CSMD1: variants seen among roughly 807,000 people sequenced by gnomAD.
CSMD1 encodes the protein CUB and sushi domain-containing protein 1.
In CSMD1, 213 loss-of-function variants were observed where a neutral mutation model predicts 417.5. The observed-to-expected ratio is 0.51, with a 90% CI of 0.46 to 0.57. The LOEUF is 0.57. Ranked by LOEUF, CSMD1 falls within the 20% of genes least tolerant of loss-of-function variation. CSMD1 has a pLI of 0.00. For synonymous variants in CSMD1, 2,862 were observed against 1,736.8 expected, an observed-to-expected ratio of 1.65 and a Z score of -16.11; for missense variants, 6,923 against 4,529.7, an observed-to-expected ratio of 1.53 and a Z score of -15.17.
chr8:3,403,369 A>G (rs1295854723), intron 15 of CSMD1, among the ~76,000 whole-genome samples: 4 of 152,050 alleles, frequency 2.6e-5, no homozygotes, highest in Non-Finnish European at 4.4e-5. Flanking sequence ...CAGCAGAGGC[A>G]GTGATCGGGG....
intron 10 of CSMD1, among the ~76,000 whole-genome samples, chr8:3,538,939 G>A (rs1404929632): frequency 2.6e-5 from 4 of 152,170 alleles, no homozygotes; most frequent in Admixed American, 2.0e-4. Flanking sequence ...CAACGTTTGT[G>A]AGACCCCAAT....
At chr8:4,443,991 C>A (rs192416731) in intron 2 of CSMD1, among the ~76,000 whole-genome samples, 3 of 151,980 alleles carry the variant, frequency 2.0e-5, no homozygotes, top group Non-Finnish European at 4.4e-5. Context: ...AATGTACAAA[C>A]GGAGTAAGAA....
At chr8:4,337,427 C>T (rs1800234294) in intron 3 of CSMD1, among the ~76,000 whole-genome samples, 1 of 152,076 alleles carries the variant, frequency 6.6e-6, no homozygotes, top group African/African-American at 2.4e-5. Context: ...CTATCTTAGC[C>T]TTCTCTGTTA....
intron 7 of CSMD1, among the ~76,000 whole-genome samples, chr8:3,679,241 A>T (rs1434040416): frequency 6.6e-6 from 1 of 152,210 alleles, no homozygotes; most frequent in Non-Finnish European, 1.5e-5. Flanking sequence ...CAGACTGGCA[A>T]ATTGGATAAA....
intron 2 of CSMD1, among the ~76,000 whole-genome samples, chr8:4,454,613 G>A: frequency 6.6e-6 from 1 of 152,180 alleles, no homozygotes. Flanking sequence ...GGAGGGCATA[G>A]CAGAAGGAAG....
intron 2 of CSMD1, among the ~76,000 whole-genome samples, chr8:4,444,906 G>T (rs527745635): frequency 9.9e-5 from 15 of 152,082 alleles, no homozygotes; most frequent in Non-Finnish European, 1.8e-4. Context: ...ACCTTGTCCA[G>T]GTCTTACATA....
At chr8:4,600,113 G>T (rs59857036) in intron 2 of CSMD1, among the ~76,000 whole-genome samples, 687 of 152,264 alleles carry the variant, frequency 4.5e-3, no homozygotes, top group African/African-American at 0.016. Context: ...TCTAGGTCGG[G>T]CTGACGTTCT....
chr8:3,869,166 AC>A (rs1805310237), intron 5 of CSMD1, among the ~76,000 whole-genome samples: 1 of 152,120 alleles, frequency 6.6e-6, no homozygotes, highest in African/African-American at 2.4e-5. Context: ...CCTGAAATAC[AC>A]AGATGTGCTG....
At position 4,664,991 on chromosome 8, in the gene CSMD1, A is replaced by T. The variant is rs182938364; in HGVS notation, c.86-27433T>A. Among the ~76,000 whole-genome samples the T allele has an allele frequency of 4.1e-3, 620 of 152,290 alleles. 7 individuals are homozygous for T. Among genetic ancestry groups the T allele is most frequent in the African/African-American group, 0.014 (563 of 41,558 alleles). ...ATCTGAAAAAGGAAAATAATATCTC[A>T]TCGTGTTCTTCATTTTATTATTACC... On this transcript the variant is annotated intron_variant, in intron 1 of 69. Transcript: ENST00000635120.
intron 7 of CSMD1, among the ~76,000 whole-genome samples, chr8:3,703,812 T>C (rs1301120695): frequency 6.6e-6 from 1 of 152,192 alleles, no homozygotes; most frequent in Admixed American, 6.5e-5. Flanking sequence ...GGCTCATGAC[T>C]GTAATCCCAG....
chr8:4,622,015 G>A (rs1274920807), intron 2 of CSMD1, among the ~76,000 whole-genome samples: 1 of 151,778 alleles, frequency 6.6e-6, no homozygotes, highest in Admixed American at 6.6e-5. Flanking sequence ...ACTAATGATA[G>A]GAAACTTTCT....
chr8:4,283,351 C>A (rs1007913564), intron 3 of CSMD1, among the ~76,000 whole-genome samples: 1 of 152,092 alleles, frequency 6.6e-6, no homozygotes, highest in African/African-American at 2.4e-5. Flanking sequence ...TGTATAAATG[C>A]GAACATCTTT....
intron 3 of CSMD1, among the ~76,000 whole-genome samples, chr8:4,331,799 C>G (rs112026432): frequency 1.9e-4 from 29 of 152,180 alleles, no homozygotes; most frequent in Non-Finnish European, 3.5e-4. Context: ...ATTTGACTCA[C>G]AGTATTTTTC....
chr8:4,226,330 T>C (rs1801354438), intron 3 of CSMD1, among the ~76,000 whole-genome samples: 1 of 152,210 alleles, frequency 6.6e-6, no homozygotes, highest in Non-Finnish European at 1.5e-5. Flanking sequence ...GACCATCAAA[T>C]ACTCTACTTA....
chr8:4,267,171 A>G (rs936326663), intron 3 of CSMD1, among the ~76,000 whole-genome samples: 1 of 101,342 alleles, frequency 9.9e-6, no homozygotes, highest in African/African-American at 2.8e-5. Flanking sequence ...AGTGAAGATA[A>G]TATTCATTAA....
intron 3 of CSMD1, among the ~76,000 whole-genome samples, chr8:4,195,323 T>A (rs1799266960): frequency 6.6e-6 from 1 of 152,262 alleles, no homozygotes; most frequent in East Asian, 1.9e-4. Context: ...AAAGGCAAAT[T>A]CTATAGAACA....
intron 3 of CSMD1, among the ~76,000 whole-genome samples, chr8:4,227,140 C>T (rs1563303742): frequency 6.6e-6 from 1 of 152,086 alleles, no homozygotes. Context: ...GGTTTTTTAG[C>T]CCAGAAAGCA....
intron 3 of CSMD1, among the ~76,000 whole-genome samples, chr8:4,307,196 C>A: frequency 6.6e-6 from 1 of 152,306 alleles, no homozygotes; most frequent in East Asian, 1.9e-4. Context: ...TATCAACCCC[C>A]TTCTACGGCT....
Position 3,770,546 on chromosome 8 carries a change from A to T in CSMD1, c.819-16504T>A, listed in dbSNP as rs73498865. On this transcript the variant is annotated intron_variant, in intron 5 of 69. Coordinates refer to ENST00000635120, the MANE Select transcript of CSMD1 (RefSeq NM_033225.6). ...TCCATCTCAAAAAATAAATAAATAA[A>T]AAGTAAAGAAAGAACATAATAGGAA... Among the ~76,000 whole-genome samples, 1,437 of 152,218 alleles carry T rather than the reference A, an allele frequency of 9.4e-3. 27 individuals are homozygous for T. Among genetic ancestry groups the T allele is most frequent in the African/African-American group, 0.033 (1,353 of 41,516 alleles).
Sources: allele counts gnomAD v4.1 joint callset (sites outside exome capture counted in the v4.1 genomes callset), GRCh38; gene constraint gnomAD v4.1.1; transcripts MANE v1.5; gene names NCBI Gene and HGNC (gene_info 2026-07-23, HGNC 2026-07-21).